Variants in GRID2 observed in about 807,000 individuals in gnomAD.
GRID2 encodes glutamate receptor ionotropic, delta-2.
Under a neutral mutation model 114.8 loss-of-function variants are expected in GRID2, and 33 were observed. That is an observed-to-expected ratio of 0.29 (90% confidence interval 0.22 to 0.38). The LOEUF is 0.38. GRID2 is among the 10% of genes least tolerant of loss of function. The pLI is 1.00. For synonymous variants in GRID2, 505 were observed against 449.9 expected, an observed-to-expected ratio of 1.12 and a Z score of -1.55; for missense variants, 1,184 against 1,257.7, an observed-to-expected ratio of 0.94 and a Z score of 0.89.
intron 13 of GRID2, among the ~76,000 whole-genome samples, chr4:93,566,166 A>G (rs2164314): frequency 0.77 from 117,842 of 152,112 alleles, 46,234 homozygotes; most frequent in African/African-American, 0.9. Context: ...GCAAATTGTG[A>G]CACTATCAGG....
At chr4:92,954,238 T>C (rs549004130) in intron 2 of GRID2, among the ~76,000 whole-genome samples, 3 of 152,114 alleles carry the variant, frequency 2.0e-5, no homozygotes, top group African/African-American at 7.2e-5. Flanking sequence ...CACACACATA[T>C]ATATATACAA....
At chr4:92,442,581 G>T (rs1270799474) in intron 1 of GRID2, among the ~76,000 whole-genome samples, 3 of 152,004 alleles carry the variant, frequency 2.0e-5, no homozygotes, top group Non-Finnish European at 4.4e-5. Context: ...TGAAGGCGAG[G>T]TTAATTAAAT....
chr4:92,763,102 A>G (rs1262985960), intron 2 of GRID2, among the ~76,000 whole-genome samples: 1 of 152,192 alleles, frequency 6.6e-6, no homozygotes, highest in Non-Finnish European at 1.5e-5. Flanking sequence ...CCTCTCAGCT[A>G]GGTAGGCTAC....
chr4:93,337,284 G>A lies in GRID2; in HGVS notation c.1246-58323G>A, dbSNP rs557008573. 3.5e-4 allele frequency among the ~76,000 whole-genome samples: 53 copies of A among 152,108 alleles called. 1 individual carries two copies. In the South Asian group the frequency reaches 9.0e-3, roughly 26 times the overall value. On this transcript the variant is annotated intron_variant, in intron 8 of 15. Coordinates refer to ENST00000282020, the MANE Select transcript of GRID2 (RefSeq NM_001510.4). Reference sequence around the variant, plus strand: ...TTGCAGGCCAAGAAATTAACCTTCCGCAGTTTCATAAATAATGCCAAGAGA... The same window carrying A: ...TTGCAGGCCAAGAAATTAACCTTCCACAGTTTCATAAATAATGCCAAGAGA...
At chr4:93,046,105 T>C (rs972072630) in intron 2 of GRID2, among the ~76,000 whole-genome samples, 1 of 152,150 alleles carries the variant, frequency 6.6e-6, no homozygotes, top group Non-Finnish European at 1.5e-5. Flanking sequence ...ATTTGTTGTG[T>C]ATTTGAATCC....
At chr4:92,866,267 C>T (rs1462529425) in intron 2 of GRID2, among the ~76,000 whole-genome samples, 1 of 152,144 alleles carries the variant, frequency 6.6e-6, no homozygotes, top group Non-Finnish European at 1.5e-5. Flanking sequence ...CTGATACACT[C>T]TTACCCACTT....
intron 5 of GRID2, among the ~76,000 whole-genome samples, chr4:93,212,452 G>T (rs942753071): frequency 6.6e-6 from 1 of 152,038 alleles, no homozygotes; most frequent in African/African-American, 2.4e-5. Flanking sequence ...TCTTCTCCCC[G>T]CAATCAGTGG....
intron 4 of GRID2, among the ~76,000 whole-genome samples, chr4:93,117,239 T>A (rs983249808): frequency 6.6e-6 from 1 of 152,154 alleles, no homozygotes; most frequent in Non-Finnish European, 1.5e-5. Context: ...TGTGTATTTA[T>A]GTTGCCTTGC....
intron 1 of GRID2, among the ~76,000 whole-genome samples, chr4:92,440,460 G>A (rs1036925820): frequency 2.0e-5 from 3 of 151,992 alleles, no homozygotes; most frequent in African/African-American, 7.2e-5. Context: ...ATCTGACTCA[G>A]GGCATGTTGA....
intron 1 of GRID2, among the ~76,000 whole-genome samples, chr4:92,492,348 G>A (rs1174007200): frequency 6.6e-6 from 1 of 152,102 alleles, no homozygotes. Flanking sequence ...CCAATGTTGT[G>A]CAATTAGCAA....
chr4:92,969,187 C>A (rs1320108067), intron 2 of GRID2, among the ~76,000 whole-genome samples: 2 of 150,982 alleles, frequency 1.3e-5, no homozygotes, highest in Admixed American at 6.6e-5. Context: ...TTTTGAATTC[C>A]CCTAGCACAT....
intron 4 of GRID2, among the ~76,000 whole-genome samples, chr4:93,174,271 C>A (rs1739134971): frequency 6.6e-6 from 1 of 152,248 alleles, no homozygotes; most frequent in South Asian, 2.1e-4. Context: ...GATACCTCCC[C>A]CCAAAACCCC....
At position 92,313,662 on chromosome 4, in the gene GRID2, T is replaced by G. The variant is rs1725823843; in HGVS notation, c.88+8918T>G. On this transcript the variant is annotated intron_variant, in intron 1 of 15. Transcript: ENST00000282020. ...TGGGAGACAGGAGGAAAACCAGGAG[T>G]ACATGGTATTCTGGAAGCCATGTGA... is the stretch of plus-strand genomic sequence containing the variant. Among the ~76,000 whole-genome samples, 4 of 151,968 alleles carry G rather than the reference T, an allele frequency of 2.6e-5. No individual in the cohort carries two copies. In the South Asian group the frequency reaches 8.3e-4, roughly 32 times the overall value.
In GRID2 at chr4:92,771,310, G is replaced by C. The variant is rs575704593; in HGVS notation, c.244+181024G>C. On this transcript the variant is annotated intron_variant, in intron 2 of 15. Transcript: ENST00000282020. ...TACTCTCCCTTTGATCTGTGCTGCT[G>C]TATCACTTTACCACTTTATTGTGCT... Among the ~76,000 whole-genome samples, 37 of 152,240 alleles carry C rather than the reference G, an allele frequency of 2.4e-4. 1 individual carries two copies. The South Asian group carries it at 2.7e-3, about 11-fold the overall frequency.
At chr4:92,772,497 A>G (rs1403207324) in intron 2 of GRID2, among the ~76,000 whole-genome samples, 3 of 152,142 alleles carry the variant, frequency 2.0e-5, no homozygotes, top group East Asian at 3.9e-4. Flanking sequence ...TGGCACATTC[A>G]TGAAAACATA....
At chr4:92,921,354 A>G (rs1467023854) in intron 2 of GRID2, among the ~76,000 whole-genome samples, 2 of 152,078 alleles carry the variant, frequency 1.3e-5, no homozygotes, top group Non-Finnish European at 2.9e-5. Context: ...CAACTCGTCA[A>G]AGTCATTCTC....
intron 1 of GRID2, among the ~76,000 whole-genome samples, chr4:92,386,243 A>G (rs1169665577): frequency 6.6e-6 from 1 of 151,646 alleles, no homozygotes; most frequent in African/African-American, 2.4e-5. Context: ...CTTCAGACCT[A>G]TGAGCTAGAT....
At chr4:93,031,328 G>A (rs1724416341) in intron 2 of GRID2, among the ~76,000 whole-genome samples, 1 of 152,092 alleles carries the variant, frequency 6.6e-6, no homozygotes. Context: ...ATAGGTGTGA[G>A]CCACCGTGCC....
intron 14 of GRID2, among the ~76,000 whole-genome samples, chr4:93,667,993 T>A (rs189546849): frequency 6.3e-4 from 96 of 152,144 alleles, no homozygotes; most frequent in African/African-American, 2.2e-3. Context: ...TTTTCACCTT[T>A]ACTATATTTA....
Sources: gnomAD v4.1 joint callset for allele counts (sites outside exome capture counted in the v4.1 genomes callset) on GRCh38, gnomAD v4.1.1 for gene constraint, MANE v1.5 for transcripts, NCBI Gene and HGNC (gene_info 2026-07-23, HGNC 2026-07-21) for gene names.